MACROD2: variants seen among roughly 807,000 people sequenced by gnomAD.
MACROD2 encodes ADP-ribose glycohydrolase MACROD2.
A neutral mutation model predicts 70.4 loss-of-function variants in MACROD2; 36 were observed. That is an observed-to-expected ratio of 0.51 (90% CI 0.39 to 0.68). The LOEUF (loss-of-function observed/expected upper bound fraction) is 0.68, where lower values mean the gene tolerates loss of function less well. Among genes scored for constraint, MACROD2 ranks in the 30% least tolerant of loss-of-function variants. The pLI, the probability that MACROD2 is intolerant of heterozygous loss-of-function variation, is 0.00. For synonymous variants in MACROD2, 172 were observed against 178.8 expected, an observed-to-expected ratio of 0.96 and a Z score of 0.30; for missense variants, 496 against 538.4, an observed-to-expected ratio of 0.92 and a Z score of 0.78.
intron 4 of MACROD2, among the ~76,000 whole-genome samples, chr20:14,661,888 A>G (rs2123536224): frequency 6.6e-6 from 1 of 152,248 alleles, no homozygotes; most frequent in East Asian, 1.9e-4. Context: ...ACTGGTCATC[A>G]GTGGTAGGAT....
intron 5 of MACROD2, among the ~76,000 whole-genome samples, chr20:14,970,040 A>G (rs1483762875): frequency 6.6e-6 from 1 of 152,176 alleles, no homozygotes; most frequent in Non-Finnish European, 1.5e-5. Flanking sequence ...ATGAAAAAAT[A>G]CCTTAAATTT....
At chr20:14,074,143 C>T (rs186253494) in intron 2 of MACROD2, among the ~76,000 whole-genome samples, 247 of 152,262 alleles carry the variant, frequency 1.6e-3, no homozygotes, top group African/African-American at 5.6e-3. Flanking sequence ...GTGATTTTTC[C>T]ATCCATTGAC....
intron 3 of MACROD2, among the ~76,000 whole-genome samples, chr20:14,286,253 T>C (rs1046370630): frequency 2.6e-5 from 4 of 152,154 alleles, no homozygotes; most frequent in African/African-American, 9.6e-5. Flanking sequence ...GGAGAAGTCT[T>C]TTTTTCTCTC....
chr20:14,199,369 G>A (rs781284042), intron 3 of MACROD2, among the ~76,000 whole-genome samples: 2 of 152,206 alleles, frequency 1.3e-5, no homozygotes, highest in Non-Finnish European at 1.5e-5. Context: ...TGTAAAAAAT[G>A]TTTCAGGAAG....
At chr20:14,120,986 TAACA>T (rs1454203519) in intron 3 of MACROD2, among the ~76,000 whole-genome samples, 2 of 152,024 alleles carry the variant, frequency 1.3e-5, no homozygotes, top group African/African-American at 2.4e-5. Flanking sequence ...TATACCTATG[TAACA>T]AACCTGCACG....
At chr20:14,217,949 G>A (rs529611734) in intron 3 of MACROD2, among the ~76,000 whole-genome samples, 1 of 152,100 alleles carries the variant, frequency 6.6e-6, no homozygotes. Flanking sequence ...GGTCTATCTT[G>A]GAGAAAGTTC....
At chr20:15,308,624 A>T (rs1256159542) in intron 6 of MACROD2, among the ~76,000 whole-genome samples, 1 of 152,204 alleles carries the variant, frequency 6.6e-6, no homozygotes, top group Non-Finnish European at 1.5e-5. Context: ...TGTATAGTTG[A>T]GGTCCACTTA....
chr20:14,748,645 G>A (rs1454396223), intron 5 of MACROD2, among the ~76,000 whole-genome samples: 1 of 152,106 alleles, frequency 6.6e-6, no homozygotes, highest in Non-Finnish European at 1.5e-5. Context: ...ACTCTAGACA[G>A]CCTTTATATC....
rs562542446 is a variant in MACROD2, at chr20:14,397,235, T to A, written c.272-96244T>A. On this transcript the variant is annotated intron_variant, in intron 3 of 17. Coordinates refer to ENST00000684519, the MANE Select transcript of MACROD2 (RefSeq NM_001351661.2). Reference sequence around the variant, plus strand: ...ATCTTGAACTCCTGACCTAGTGATCTGCCTGCCTTGGCCTCCCAAAGTGCT... The same window carrying A: ...ATCTTGAACTCCTGACCTAGTGATCAGCCTGCCTTGGCCTCCCAAAGTGCT... 2.0e-5 allele frequency among the ~76,000 whole-genome samples: 3 copies of A among 152,144 alleles called. No individual in the cohort carries two copies. In the South Asian group the frequency reaches 6.2e-4, roughly 32 times the overall value.
chr20:14,182,727 G>A (rs1601321879), intron 3 of MACROD2, among the ~76,000 whole-genome samples: 1 of 152,016 alleles, frequency 6.6e-6, no homozygotes. Flanking sequence ...AGATGAAAAA[G>A]CACTTACAGT....
intron 3 of MACROD2, among the ~76,000 whole-genome samples, chr20:14,164,971 C>T (rs1358955333): frequency 1.3e-5 from 2 of 152,138 alleles, no homozygotes; most frequent in Non-Finnish European, 2.9e-5. Context: ...ATGCATGACC[C>T]TTCTGCTGCT....
chr20:14,417,979 C>A (rs546306267), intron 3 of MACROD2, among the ~76,000 whole-genome samples: 1 of 152,158 alleles, frequency 6.6e-6, no homozygotes, highest in East Asian at 1.9e-4. Context: ...TGTTATAAAT[C>A]AGGAGTTTGC....
chr20:15,672,274 A>G (rs764200172), intron 8 of MACROD2, among the ~76,000 whole-genome samples: 16 of 151,320 alleles, frequency 1.1e-4, no homozygotes, highest in Admixed American at 5.9e-4. Context: ...CCTGTCAAGA[A>G]CTTGCATAAC....
chr20:14,316,901 C>T (rs1223281696), intron 3 of MACROD2, among the ~76,000 whole-genome samples: 1 of 152,136 alleles, frequency 6.6e-6, no homozygotes, highest in Non-Finnish European at 1.5e-5. Flanking sequence ...ACCTTCTCCT[C>T]CTCTTTTACT....
At chr20:14,778,628 C>T (rs933035999) in intron 5 of MACROD2, among the ~76,000 whole-genome samples, 5 of 152,126 alleles carry the variant, frequency 3.3e-5, no homozygotes, top group African/African-American at 1.2e-4. Flanking sequence ...TTTCCTTTGC[C>T]TTGTTGGAAT....
intron 8 of MACROD2, among the ~76,000 whole-genome samples, chr20:15,560,120 A>T (rs1213590832): frequency 6.6e-6 from 1 of 152,210 alleles, no homozygotes; most frequent in Non-Finnish European, 1.5e-5. Flanking sequence ...CTTCTAGTTT[A>T]AAAGGGCAAC....
chr20:14,270,812 T>G (rs2082186739), intron 3 of MACROD2, among the ~76,000 whole-genome samples: 1 of 152,112 alleles, frequency 6.6e-6, no homozygotes, highest in Admixed American at 6.5e-5. Context: ...TATCTGAGGC[T>G]TAAAAAATGG....
At chr20:14,831,734 C>T (rs988874090) in intron 5 of MACROD2, among the ~76,000 whole-genome samples, 6 of 133,148 alleles carry the variant, frequency 4.5e-5, no homozygotes, top group African/African-American at 5.5e-5. Flanking sequence ...GAGCTGAGAT[C>T]GCGCCACTGC....
At chr20:14,986,761 T>C (rs1299096618) in intron 5 of MACROD2, among the ~76,000 whole-genome samples, 2 of 152,140 alleles carry the variant, frequency 1.3e-5, no homozygotes, top group Admixed American at 6.5e-5. Flanking sequence ...CCTGGCAAAA[T>C]TGTCTCTGCC....
Sources: gnomAD v4.1 joint callset for allele counts (sites outside exome capture counted in the v4.1 genomes callset) on GRCh38, gnomAD v4.1.1 for gene constraint, MANE v1.5 for transcripts, NCBI Gene and HGNC (gene_info 2026-07-23, HGNC 2026-07-21) for gene names.